CCM2: variants seen among roughly 807,000 people sequenced by gnomAD.
CCM2 encodes the protein cerebral cavernous malformations 2 protein.
CCM2 carries 25 observed loss-of-function variants against 44.9 expected under a neutral mutation model. That is an observed-to-expected ratio of 0.56 (90% CI 0.41 to 0.78). The LOEUF (loss-of-function observed/expected upper bound fraction) is 0.78. Ranked by LOEUF, CCM2 falls within the 30% of genes least tolerant of loss-of-function variation. The pLI, the probability that CCM2 is intolerant of heterozygous loss-of-function variation, is 0.00. For synonymous variants in CCM2, 219 were observed against 241.1 expected, an observed-to-expected ratio of 0.91 and a Z score of 0.85; for missense variants, 481 against 580.6, an observed-to-expected ratio of 0.83 and a Z score of 1.76.
intron 1 of CCM2, among the ~76,000 whole-genome samples, chr7:45,009,508 G>A (rs1368440323): frequency 1.4e-5 from 2 of 145,912 alleles, no homozygotes; most frequent in African/African-American, 5.0e-5. Context: ...TTGTTCAAGC[G>A]ATTCTCCTGC....
intron 1 of CCM2, among the ~76,000 whole-genome samples, chr7:45,004,700 TTTTC>T (rs1795775678): frequency 1.3e-5 from 2 of 152,300 alleles, no homozygotes; most frequent in East Asian, 1.9e-4. Context: ...TTCTATTTTT[TTTTC>T]TTTCTATTAC....
chr7:45,045,044 T>C (rs1797686711), intron 2 of CCM2, among the ~76,000 whole-genome samples: 1 of 152,248 alleles, frequency 6.6e-6, no homozygotes, highest in African/African-American at 2.4e-5. Flanking sequence ...GTGTTCTTGC[T>C]GTATCAATAT....
chr7:45,039,802 G>A (rs886888478), intron 2 of CCM2, among the ~76,000 whole-genome samples: 50 of 152,062 alleles, frequency 3.3e-4, no homozygotes, highest in African/African-American at 1.2e-3. Context: ...CAAGGTGTGC[G>A]GATCACTTGA....
intron 1 of CCM2, among the ~76,000 whole-genome samples, chr7:45,002,132 C>G (rs987796045): frequency 1.4e-4 from 21 of 152,214 alleles, no homozygotes; most frequent in Non-Finnish European, 2.9e-4. Context: ...AGTTTAATAA[C>G]TTCGGTGGTT....
At chr7:45,051,896 G>A (rs369792006) in intron 2 of CCM2, among the ~76,000 whole-genome samples, 33 of 152,030 alleles carry the variant, frequency 2.2e-4, no homozygotes, top group Non-Finnish European at 2.1e-4. Flanking sequence ...TAGTAGAGAC[G>A]GGGTTTCACT....
At chr7:45,004,633 C>G (rs962962745) in intron 1 of CCM2, among the ~76,000 whole-genome samples, 2 of 152,150 alleles carry the variant, frequency 1.3e-5, no homozygotes, top group Admixed American at 1.3e-4. Context: ...ATGTGTGTGT[C>G]TGTATAACCG....
At chr7:45,000,949 G>A (rs1583821373) in intron 1 of CCM2, among the ~76,000 whole-genome samples, 1 of 152,228 alleles carries the variant, frequency 6.6e-6, no homozygotes, top group Admixed American at 6.5e-5. Flanking sequence ...GGTTATAGTA[G>A]TCGATAAAGA....
intron 2 of CCM2, among the ~76,000 whole-genome samples, chr7:45,045,379 C>T (rs911397491): frequency 2.8e-5 from 3 of 106,322 alleles, no homozygotes; most frequent in Non-Finnish European, 5.5e-5. Context: ...GAAAAATCAC[C>T]GCTTAAAAAA....
At chr7:45,050,104 A>G (rs1276860788) in intron 2 of CCM2, among the ~76,000 whole-genome samples, 2 of 152,246 alleles carry the variant, frequency 1.3e-5, no homozygotes, top group African/African-American at 4.8e-5. Context: ...TTAACATTGT[A>G]GCACAACGCA....
intron 9 of CCM2, among the ~76,000 whole-genome samples, chr7:45,075,285 G>C (rs772346558): frequency 6.6e-6 from 1 of 152,274 alleles, no homozygotes; most frequent in Admixed American, 6.5e-5. Context: ...TCCCAAATAA[G>C]AGGGCAGCCC....
chr7:45,057,869 A>G (rs1448923946), intron 2 of CCM2, among the ~76,000 whole-genome samples: 1 of 152,206 alleles, frequency 6.6e-6, no homozygotes, highest in South Asian at 2.1e-4. Context: ...TGGAATAACT[A>G]TACATTTCCT....
In CCM2 at chr7:45,038,530, C is replaced by A. The variant is rs573299062; in HGVS notation, c.204+104C>A. ...TTTATAAGACACAGCCACACAAACA[C>A]CTTAGTAGTTGATTATCCCACCCAT... On this transcript the variant is annotated intron_variant, in intron 2 of 9. Transcript: ENST00000258781. The A allele has an allele frequency of 3.4e-4, 394 of 1,154,468 alleles. No homozygotes were observed. In the African/African-American group the frequency reaches 5.3e-3, roughly 15 times the overall value. 71.5% of individuals were successfully genotyped at this position (1,154,468 alleles called of 1,614,324 possible).
chr7:45,016,942 T>G (rs973025974), intron 1 of CCM2, among the ~76,000 whole-genome samples: 3 of 151,896 alleles, frequency 2.0e-5, no homozygotes, highest in African/African-American at 7.3e-5. Context: ...TAATTTTTTT[T>G]GTATTTTTAG....
intron 1 of CCM2, among the ~76,000 whole-genome samples, chr7:45,015,938 G>A (rs749519102): frequency 5.9e-5 from 9 of 152,130 alleles, no homozygotes; most frequent in Non-Finnish European, 1.3e-4. Context: ...TTAAAAGACC[G>A]AAGAAAAGAA....
At chr7:45,019,688 T>C (rs2128718158) in intron 1 of CCM2, among the ~76,000 whole-genome samples, 1 of 152,202 alleles carries the variant, frequency 6.6e-6, no homozygotes, top group South Asian at 2.1e-4. Flanking sequence ...GCTCAAGCAA[T>C]TCTCCTACCT....
chr7:45,072,680 A>G (rs1799136725), intron 6 of CCM2, 46 bp from the exon 7 acceptor site: 1 of 1,488,824 alleles, frequency 6.7e-7, no homozygotes, highest in Non-Finnish European at 9.4e-7. Flanking sequence ...ATGCCTCCCC[A>G]CTATGTCCCT....
intron 1 of CCM2, among the ~76,000 whole-genome samples, chr7:45,028,102 G>A (rs1260097092): frequency 6.6e-6 from 1 of 152,228 alleles, no homozygotes; most frequent in African/African-American, 2.4e-5. Flanking sequence ...CATCTTCCAC[G>A]GAGAAGTAAT....
chr7:45,012,091 C>T (rs995130341), intron 1 of CCM2, among the ~76,000 whole-genome samples: 1 of 148,444 alleles, frequency 6.7e-6, no homozygotes, highest in Admixed American at 6.7e-5. Context: ...TATTTTGAAG[C>T]TCTGTTGTTA....
chr7:45,001,140 C>T (rs1795604846), intron 1 of CCM2, among the ~76,000 whole-genome samples: 2 of 152,108 alleles, frequency 1.3e-5, no homozygotes, highest in African/African-American at 2.4e-5. Flanking sequence ...CTCGATAATT[C>T]CTAACTATGA....
Sources: gnomAD v4.1 joint callset for allele counts (sites outside exome capture counted in the v4.1 genomes callset) on GRCh38, gnomAD v4.1.1 for gene constraint, MANE v1.5 for transcripts, NCBI Gene and HGNC (gene_info 2026-07-23, HGNC 2026-07-21) for gene names.